Variants in MACROD2 observed in about 807,000 individuals in gnomAD.
The protein encoded by MACROD2 is ADP-ribose glycohydrolase MACROD2.
MACROD2 carries 36 observed loss-of-function variants against 70.4 expected under a neutral mutation model. The ratio of observed to expected loss-of-function variants is 0.51; its 90% CI spans 0.39 to 0.68. MACROD2 has a LOEUF of 0.68. MACROD2 is among the 30% of genes least tolerant of loss of function. The probability of loss-of-function intolerance (pLI) is 0.00; values close to 1 mark genes in which losing one functional copy is unlikely to be tolerated. For synonymous variants in MACROD2, 172 were observed against 178.8 expected (o/e 0.96, Z 0.30); for missense variants, 496 against 538.4 (o/e 0.92, Z 0.78).
At chr20:15,191,578 C>A (rs1180399746) in intron 5 of MACROD2, among the ~76,000 whole-genome samples, 9 of 152,142 alleles carry the variant, frequency 5.9e-5, no homozygotes, top group Admixed American at 5.9e-4. Context: ...ATGATCAACA[C>A]AAAAGGGGTC....
chr20:14,573,828 A>G (rs1453115427), intron 4 of MACROD2, among the ~76,000 whole-genome samples: 2 of 152,186 alleles, frequency 1.3e-5, no homozygotes, highest in Non-Finnish European at 2.9e-5. Flanking sequence ...TCCAAAGTCC[A>G]GCTTTGCCTT....
intron 5 of MACROD2, among the ~76,000 whole-genome samples, chr20:15,066,796 C>T (rs926869709): frequency 6.6e-6 from 1 of 151,494 alleles, no homozygotes; most frequent in Non-Finnish European, 1.5e-5. Flanking sequence ...GCAGGAGAAT[C>T]GCTTGAACCC....
intron 5 of MACROD2, among the ~76,000 whole-genome samples, chr20:14,729,823 A>G (rs1392242752): frequency 1.3e-5 from 2 of 152,146 alleles, no homozygotes; most frequent in Non-Finnish European, 2.9e-5. Flanking sequence ...AGTCACCATG[A>G]TCTAGGATCC....
chr20:15,082,562 G>T (rs893839560), intron 5 of MACROD2, among the ~76,000 whole-genome samples: 7 of 108,646 alleles, frequency 6.4e-5, no homozygotes, highest in Non-Finnish European at 8.5e-5. Context: ...GCTGAAGATA[G>T]AACTGTTTTG....
intron 5 of MACROD2, among the ~76,000 whole-genome samples, chr20:14,972,113 T>G (rs1336325711): frequency 6.6e-6 from 1 of 152,262 alleles, no homozygotes; most frequent in African/African-American, 2.4e-5. Flanking sequence ...ATCACTGGTT[T>G]TGCCTGCTGT....
chr20:14,781,771 A>G (rs1365428161), intron 5 of MACROD2, among the ~76,000 whole-genome samples: 2 of 151,934 alleles, frequency 1.3e-5, no homozygotes, highest in Admixed American at 6.6e-5. Flanking sequence ...AAACCAAGGC[A>G]AAAAGAGGCA....
In MACROD2 at chr20:14,028,470, GA is replaced by G. The variant is rs561897441; in HGVS notation, c.163+26074del. On this transcript the variant is annotated intron_variant, in intron 2 of 17. Coordinates refer to ENST00000684519, the MANE Select transcript of MACROD2 (RefSeq NM_001351661.2). ...GGCGTTCCAGGCGCCACTGGGGTAT[GA>G]AAAAAAACTCCTGCAGCTAGCTCGG... 8.1e-3 allele frequency among the ~76,000 whole-genome samples: 1,238 copies of G among 152,064 alleles called. 20 individuals carry two copies. The highest frequency in any genetic ancestry group is 0.028 in the African/African-American group (1,142 of 41,488).
chr20:15,229,171 G>A (rs1385427301), intron 5 of MACROD2, among the ~76,000 whole-genome samples: 1 of 152,150 alleles, frequency 6.6e-6, no homozygotes, highest in African/African-American at 2.4e-5. Flanking sequence ...AAGTTTACGT[G>A]TGTGTAGAGA....
intron 5 of MACROD2, among the ~76,000 whole-genome samples, chr20:14,768,460 C>A (rs555009174): frequency 3.9e-5 from 6 of 152,076 alleles, no homozygotes; most frequent in Admixed American, 1.3e-4. Flanking sequence ...TCTTAAAGAC[C>A]CAGCCAGATA....
chr20:14,570,060 C>T (rs573589664), intron 4 of MACROD2, among the ~76,000 whole-genome samples: 2 of 152,124 alleles, frequency 1.3e-5, no homozygotes, highest in East Asian at 3.9e-4. Context: ...TGTTCATCAA[C>T]ATGTGCAAGA....
At chr20:15,185,770 C>T (rs2076530665) in intron 5 of MACROD2, among the ~76,000 whole-genome samples, 1 of 152,162 alleles carries the variant, frequency 6.6e-6, no homozygotes, top group Admixed American at 6.6e-5. Context: ...CTGCTTAGTT[C>T]AGAGTCGACT....
Position 15,264,502 on chromosome 20 carries a change from A to G in MACROD2, c.540+34441A>G, listed in dbSNP as rs767845400. The stretch of plus-strand genomic sequence containing the variant: ...CAGAGTGTGAGACTCAAAGAAGGGC[A>G]AGATGATTGAAGCTTAAAAAGCATT... On this transcript the variant is annotated intron_variant, in intron 6 of 17. Transcript: ENST00000684519. Among the ~76,000 whole-genome samples the G allele has an allele frequency of 8.9e-4, 136 of 152,216 alleles. 1 individual carries two copies. The highest frequency in any genetic ancestry group is 2.9e-4 in the Non-Finnish European group (20 of 68,042).
chr20:14,413,474 G>C (rs2083771403), intron 3 of MACROD2, among the ~76,000 whole-genome samples: 1 of 151,946 alleles, frequency 6.6e-6, no homozygotes, highest in East Asian at 1.9e-4. Flanking sequence ...TATGGACCCT[G>C]TTGAAAGACA....
intron 5 of MACROD2, among the ~76,000 whole-genome samples, chr20:14,889,576 T>G (rs1470355548): frequency 6.6e-6 from 1 of 152,064 alleles, no homozygotes; most frequent in Non-Finnish European, 1.5e-5. Flanking sequence ...AAAGATCCTA[T>G]CCGGCATAGG....
chr20:15,715,053 A>G (rs1054566288), intron 8 of MACROD2, among the ~76,000 whole-genome samples: 14 of 152,178 alleles, frequency 9.2e-5, no homozygotes, highest in African/African-American at 3.1e-4. Flanking sequence ...AATGCCAGTT[A>G]AGATGTTGTT....
intron 10 of MACROD2, among the ~76,000 whole-genome samples, chr20:15,904,789 G>C (rs764202953): frequency 1.3e-5 from 2 of 150,762 alleles, no homozygotes; most frequent in Non-Finnish European, 2.9e-5. Flanking sequence ...GCTGAGGCAG[G>C]AGAATGATGT....
intron 2 of MACROD2, chr20:14,053,591 T>A (rs1003719511): frequency 6.6e-6 from 1 of 152,142 alleles, no homozygotes; most frequent in Non-Finnish European, 1.5e-5. Context: ...TCACGAGAGC[T>A]TTGTAAGGTA....
chr20:16,043,723 G>A (rs767809187), intron 16 of MACROD2, among the ~76,000 whole-genome samples: 2 of 151,972 alleles, frequency 1.3e-5, no homozygotes, highest in African/African-American at 2.4e-5. Context: ...AGCAGCCGTC[G>A]GCAAGTCTAC....
In MACROD2 at chr20:14,660,588, A is replaced by G. The variant is rs116453471; in HGVS notation, c.302-24255A>G. Among the ~76,000 whole-genome samples, 712 of 152,300 alleles carry G rather than the reference A, an allele frequency of 4.7e-3. 4 individuals are homozygous for G. Among genetic ancestry groups the G allele is most frequent in the African/African-American group, 0.016 (686 of 41,578 alleles). On this transcript the variant is annotated intron_variant, in intron 4 of 17. Transcript: ENST00000684519. Reference sequence around the variant, plus strand: ...TTCAGGGGGTACATAAGTAATTGTTACATGAGTGTATTGTGTGATGCTGAG... The same window carrying G: ...TTCAGGGGGTACATAAGTAATTGTTGCATGAGTGTATTGTGTGATGCTGAG...
Sources: allele counts gnomAD v4.1 joint callset (sites outside exome capture counted in the v4.1 genomes callset), GRCh38; gene constraint gnomAD v4.1.1; transcripts MANE v1.5; gene names NCBI Gene and HGNC (gene_info 2026-07-23, HGNC 2026-07-21).